Variants in RASGRF2 observed in about 807,000 individuals in gnomAD.
RASGRF2 encodes the protein ras-specific guanine nucleotide-releasing factor 2.
Under a neutral mutation model 151.0 loss-of-function variants are expected in RASGRF2, and 76 were observed. That is an observed-to-expected ratio of 0.50 (90% CI 0.42 to 0.61). The LOEUF is 0.61. Among genes scored for constraint, RASGRF2 ranks in the 20% least tolerant of loss-of-function variants. The probability of loss-of-function intolerance (pLI) is 0.00; values close to 1 mark genes in which losing one functional copy is unlikely to be tolerated. For synonymous variants in RASGRF2, 504 were observed against 566.5 expected (o/e 0.89, Z 1.57); for missense variants, 1,148 against 1,564.6 (o/e 0.73, Z 4.49).
chr5:81,207,156 C>A, intron 20 of RASGRF2, 90 bp from the exon 21 acceptor site: 1 of 1,093,482 alleles, frequency 9.1e-7, no homozygotes, highest in Non-Finnish European at 1.4e-6. Flanking sequence ...TTCATGCTTC[C>A]ACACATGCAG....
chr5:81,043,315 G>A (rs558500182), intron 2 of RASGRF2, among the ~76,000 whole-genome samples: 44 of 152,142 alleles, frequency 2.9e-4, no homozygotes, highest in Non-Finnish European at 5.7e-4. Context: ...GGCAAGAGGG[G>A]CATTATAATT....
At chr5:80,996,065 T>C (rs1188243238) in intron 1 of RASGRF2, among the ~76,000 whole-genome samples, 2 of 152,102 alleles carry the variant, frequency 1.3e-5, no homozygotes, top group Non-Finnish European at 2.9e-5. Flanking sequence ...TCTTCCACCT[T>C]ATCTCTTCCT....
chr5:80,976,556 G>T (rs1748122348), intron 1 of RASGRF2, among the ~76,000 whole-genome samples: 1 of 152,174 alleles, frequency 6.6e-6, no homozygotes, highest in South Asian at 2.1e-4. Flanking sequence ...GCTGGGTTCT[G>T]TGCTGAGGGC....
chr5:81,083,472 C>A (rs930739545), intron 7 of RASGRF2, among the ~76,000 whole-genome samples: 1 of 152,018 alleles, frequency 6.6e-6, no homozygotes, highest in Non-Finnish European at 1.5e-5. Flanking sequence ...TCCTTCTCGG[C>A]CCTTTTTTGA....
intron 1 of RASGRF2, among the ~76,000 whole-genome samples, chr5:81,021,732 T>G (rs1376797146): frequency 1.3e-5 from 2 of 152,158 alleles, no homozygotes; most frequent in Non-Finnish European, 2.9e-5. Flanking sequence ...ATTTGCCCAA[T>G]GCACAGTGAG....
At chr5:81,217,013 C>G (rs745662908) in intron 24 of RASGRF2, 3 of 456,076 alleles carry the variant, frequency 6.6e-6, no homozygotes, top group South Asian at 4.8e-5. Flanking sequence ...ATAGAGGTTT[C>G]CCTCCAAGCT....
chr5:81,058,385 T>C (rs887787735), intron 2 of RASGRF2, among the ~76,000 whole-genome samples: 2 of 152,106 alleles, frequency 1.3e-5, no homozygotes, highest in African/African-American at 4.8e-5. Context: ...GAAATGCCAG[T>C]GGTTTGAGAA....
chr5:81,169,869 TACCACC>T (rs1754606249), intron 17 of RASGRF2, among the ~76,000 whole-genome samples: 2 of 94,206 alleles, frequency 2.1e-5, no homozygotes, highest in Non-Finnish European at 2.1e-5. Flanking sequence ...GTATCACCCA[TACCACC>T]TGCATCACCT....
At chr5:81,086,749 G>T in intron 8 of RASGRF2, 86 bp from the exon 9 acceptor site, 1 of 1,095,244 alleles carries the variant, frequency 9.1e-7, no homozygotes, top group Non-Finnish European at 1.4e-6. Context: ...TTGCAACCGA[G>T]CTTCTCAGAT....
At chr5:81,052,611 C>T (rs1309839004) in intron 2 of RASGRF2, among the ~76,000 whole-genome samples, 3 of 152,074 alleles carry the variant, frequency 2.0e-5, no homozygotes, top group Admixed American at 1.3e-4. Flanking sequence ...GTGTTAGGAC[C>T]TCATGTTAAT....
intron 23 of RASGRF2, 95 bp from the exon 24 acceptor site, chr5:81,215,781 G>C: frequency 7.3e-7 from 1 of 1,361,030 alleles, no homozygotes; most frequent in Non-Finnish European, 9.5e-7. Flanking sequence ...GTCAGCACCT[G>C]TCACCAAAGA....
intron 1 of RASGRF2, among the ~76,000 whole-genome samples, chr5:81,036,377 G>C (rs529553980): frequency 1.3e-5 from 2 of 151,922 alleles, no homozygotes; most frequent in South Asian, 4.2e-4. Context: ...CAGTAATTTT[G>C]ATTAACACTA....
intron 13 of RASGRF2, among the ~76,000 whole-genome samples, chr5:81,111,413 T>C (rs960539188): frequency 2.0e-5 from 3 of 152,268 alleles, no homozygotes; most frequent in South Asian, 2.1e-4. Flanking sequence ...TTTTACAGAA[T>C]GACAAAAGCA....
chr5:81,178,366 A>C (rs766446078), intron 17 of RASGRF2, among the ~76,000 whole-genome samples: 16 of 152,222 alleles, frequency 1.1e-4, no homozygotes, highest in Admixed American at 4.6e-4. Context: ...CACTAGAAGA[A>C]GACAAAGTTT....
At chr5:81,193,584 C>T (rs1047936438) in intron 18 of RASGRF2, among the ~76,000 whole-genome samples, 9 of 152,098 alleles carry the variant, frequency 5.9e-5, no homozygotes, top group Non-Finnish European at 1.2e-4. Context: ...GGCACGATCT[C>T]GGCTCACTGC....
chr5:81,171,954 T>A (rs575061899), intron 17 of RASGRF2, among the ~76,000 whole-genome samples: 1 of 152,146 alleles, frequency 6.6e-6, no homozygotes, highest in Admixed American at 6.5e-5. Context: ...ACAGCAGCGA[T>A]GGGAGGGCTG....
intron 17 of RASGRF2, among the ~76,000 whole-genome samples, chr5:81,160,682 A>AAAAAAT (rs765381945): frequency 2.9e-5 from 4 of 138,484 alleles, no homozygotes; most frequent in African/African-American, 1.1e-4. Context: ...TCTGTCTCAA[A>AAAAAAT]AATAATAATA....
intron 1 of RASGRF2, among the ~76,000 whole-genome samples, chr5:81,008,294 G>A (rs1228777880): frequency 3.3e-5 from 5 of 151,864 alleles, no homozygotes; most frequent in East Asian, 1.9e-4. Context: ...GGGATTACAG[G>A]CATGTGTCAC....
chr5:81,059,121 C>G (rs546734097), intron 2 of RASGRF2, among the ~76,000 whole-genome samples: 3 of 152,104 alleles, frequency 2.0e-5, no homozygotes, highest in Non-Finnish European at 4.4e-5. Flanking sequence ...CAGTGGCTCA[C>G]GCCTGTAATC....
Sources: allele counts gnomAD v4.1 joint callset (sites outside exome capture counted in the v4.1 genomes callset), GRCh38; gene constraint gnomAD v4.1.1; transcripts MANE v1.5; gene names NCBI Gene and HGNC (gene_info 2026-07-23, HGNC 2026-07-21).